Variants in TSC22D1 observed in about 807,000 individuals in gnomAD.
TSC22D1 encodes TSC22 domain family member 1.
Under a neutral mutation model 74.2 loss-of-function variants are expected in TSC22D1, and 9 were observed. The observed-to-expected ratio is 0.12, with a 90% confidence interval of 0.07 to 0.21. TSC22D1 has a LOEUF of 0.21. Among genes scored for constraint, TSC22D1 ranks in the 10% least tolerant of loss-of-function variants. The pLI, the probability that TSC22D1 is intolerant of heterozygous loss-of-function variation, is 1.00. For missense variants in TSC22D1, 1,427 were observed against 1,304.7 expected (o/e 1.09, Z -1.44); for synonymous variants, 586 against 492.5 (o/e 1.19, Z -2.51).
At chr13:44,440,260 T>C (rs1333207291) in intron 1 of TSC22D1, among the ~76,000 whole-genome samples, 5 of 152,000 alleles carry the variant, frequency 3.3e-5, no homozygotes, top group African/African-American at 1.2e-4. Flanking sequence ...GAAAGGCTGG[T>C]TGGAAAAAGC....
chr13:44,506,398 C>T (rs924888378), intron 1 of TSC22D1, among the ~76,000 whole-genome samples: 7 of 152,110 alleles, frequency 4.6e-5, no homozygotes, highest in African/African-American at 1.7e-4. Context: ...AACCAAATGC[C>T]GCATGTTCTC....
chr13:44,442,591 C>A (rs1446069092), intron 1 of TSC22D1, among the ~76,000 whole-genome samples: 1 of 151,968 alleles, frequency 6.6e-6, no homozygotes, highest in African/African-American at 2.4e-5. Flanking sequence ...TAGAAACTAT[C>A]CAAAATAAAA....
At chr13:44,450,488 G>A (rs1316357967) in intron 1 of TSC22D1, among the ~76,000 whole-genome samples, 2 of 152,124 alleles carry the variant, frequency 1.3e-5, no homozygotes, top group Non-Finnish European at 2.9e-5. Flanking sequence ...TACAAGAGAT[G>A]GAACTGGGGG....
At chr13:44,459,692 G>A (rs2138945635) in intron 1 of TSC22D1, among the ~76,000 whole-genome samples, 1 of 152,322 alleles carries the variant, frequency 6.6e-6, no homozygotes, top group South Asian at 2.1e-4. Flanking sequence ...GGGCTCTGCA[G>A]TTCCTGGCAT....
intron 1 of TSC22D1, among the ~76,000 whole-genome samples, chr13:44,532,585 T>G (rs1880908897): frequency 6.6e-6 from 1 of 152,192 alleles, no homozygotes; most frequent in South Asian, 2.1e-4. Context: ...GCCATTCTCC[T>G]GCCTCAGCCT....
Position 44,432,330 on chromosome 13 carries a change from T to G in TSC22D1, c.*2296A>C, listed in dbSNP as rs2138831657. ...TTTTCCACGATTACCACCTATGGTA[T>G]TTTAAAGATCTTCATTAAAAACATA... On this transcript the variant is annotated 3_prime_UTR_variant, in exon 3 of 3. Transcript: ENST00000458659. The G allele has an allele frequency of 6.6e-6, 1 of 152,330 alleles. No individual in the cohort carries two copies. The highest frequency in any genetic ancestry group is 2.1e-4 in the South Asian group (1 of 4,826). The allele number at this position is 152,330 out of a possible 1,614,324, so 9.4% of individuals were successfully genotyped here.
intron 1 of TSC22D1, among the ~76,000 whole-genome samples, chr13:44,455,159 G>T (rs569508837): frequency 6.6e-6 from 1 of 152,294 alleles, no homozygotes; most frequent in African/African-American, 2.4e-5. Context: ...GGATATGAAA[G>T]ATCAGAGAGG....
At chr13:44,462,119 T>C (rs1877030820) in intron 1 of TSC22D1, among the ~76,000 whole-genome samples, 1 of 152,154 alleles carries the variant, frequency 6.6e-6, no homozygotes, top group African/African-American at 2.4e-5. Flanking sequence ...AATGAGTCTA[T>C]TACAATAACA....
chr13:44,483,884 G>T (rs1345302336), intron 1 of TSC22D1, among the ~76,000 whole-genome samples: 2 of 152,072 alleles, frequency 1.3e-5, no homozygotes, highest in African/African-American at 2.4e-5. Context: ...AACAGTAGAT[G>T]GCGCTAATAC....
intron 1 of TSC22D1, among the ~76,000 whole-genome samples, chr13:44,569,221 A>G (rs889157761): frequency 5.9e-5 from 9 of 152,216 alleles, no homozygotes; most frequent in African/African-American, 1.2e-4. Flanking sequence ...AAAGAGGATA[A>G]ATAGCCCGAT....
chr13:44,454,436 C>T (rs1344430864), intron 1 of TSC22D1, among the ~76,000 whole-genome samples: 1 of 152,002 alleles, frequency 6.6e-6, no homozygotes, highest in Non-Finnish European at 1.5e-5. Flanking sequence ...CCACAAACTG[C>T]CCCCCGCTAA....
intron 1 of TSC22D1, among the ~76,000 whole-genome samples, chr13:44,572,940 TCAA>T (rs781149158): frequency 1.7e-4 from 26 of 152,258 alleles, no homozygotes; most frequent in Non-Finnish European, 2.8e-4. Flanking sequence ...GAACACATGC[TCAA>T]CAACTATTCT....
At chr13:44,442,370 A>T (rs1595079635) in intron 1 of TSC22D1, among the ~76,000 whole-genome samples, 1 of 152,240 alleles carries the variant, frequency 6.6e-6, no homozygotes, top group East Asian at 1.9e-4. Flanking sequence ...TGATTTATAG[A>T]CAGGAACATT....
chr13:44,472,852 C>T (rs1034855071), intron 1 of TSC22D1, among the ~76,000 whole-genome samples: 7 of 152,174 alleles, frequency 4.6e-5, no homozygotes, highest in African/African-American at 1.7e-4. Flanking sequence ...TCAAAATAAG[C>T]TCCACATCTA....
At chr13:44,440,278 A>G (rs1875080420) in intron 1 of TSC22D1, among the ~76,000 whole-genome samples, 1 of 152,220 alleles carries the variant, frequency 6.6e-6, no homozygotes, top group Non-Finnish European at 1.5e-5. Flanking sequence ...AGCTTCCAAA[A>G]GAGTAGAACA....
chr13:44,531,252 T>C (rs1190893755), intron 1 of TSC22D1, among the ~76,000 whole-genome samples: 1 of 152,192 alleles, frequency 6.6e-6, no homozygotes, highest in African/African-American at 2.4e-5. Flanking sequence ...TGGTCAACTA[T>C]TCCATAAATG....
chr13:44,538,578 A>G (rs1595146810), intron 1 of TSC22D1: 2 of 985,412 alleles, frequency 2.0e-6, no homozygotes, highest in East Asian at 1.1e-4. Flanking sequence ...AGCTTCCTCT[A>G]TTTCAGTCTT....
rs113215286 is a variant in TSC22D1 at position 44,461,425 on chromosome 13, A to G, written c.2913-25330T>C. Among the ~76,000 whole-genome samples the G allele has an allele frequency of 1.5e-3, 225 of 152,354 alleles. 2 individuals carry two copies. The highest frequency in any genetic ancestry group is 5.1e-3 in the African/African-American group (213 of 41,584). ...TATAGGGCAAAGTAATAAGTGTGAT[A>G]TCTTAGGTATATGGCAGGTACCAGG... On this transcript the variant is annotated intron_variant, in intron 1 of 2. Coordinates refer to ENST00000458659, the MANE Select transcript of TSC22D1 (RefSeq NM_183422.4).
At chr13:44,513,587 G>GA (rs1251161247) in intron 1 of TSC22D1, among the ~76,000 whole-genome samples, 5 of 152,118 alleles carry the variant, frequency 3.3e-5, no homozygotes, top group African/African-American at 4.8e-5. Flanking sequence ...TTTAGCAATA[G>GA]AAAACACTCC....
Sources: allele counts gnomAD v4.1 joint callset (sites outside exome capture counted in the v4.1 genomes callset), GRCh38; gene constraint gnomAD v4.1.1; transcripts MANE v1.5; gene names NCBI Gene and HGNC (gene_info 2026-07-23, HGNC 2026-07-21).